Variants in PCDH9 observed in about 807,000 individuals in gnomAD.
PCDH9 encodes protocadherin-9.
A neutral mutation model predicts 70.6 loss-of-function variants in PCDH9; 24 were observed. That is an observed-to-expected ratio of 0.34 (90% CI 0.25 to 0.48). The LOEUF (loss-of-function observed/expected upper bound fraction) is 0.48, where lower values mean the gene tolerates loss of function less well. Ranked by LOEUF, PCDH9 falls within the 20% of genes least tolerant of loss-of-function variation. The probability of loss-of-function intolerance (pLI) is 0.99; values close to 1 mark genes in which losing one functional copy is unlikely to be tolerated. For missense variants in PCDH9, 1,281 were observed against 1,503.6 expected, an observed-to-expected ratio of 0.85 and a Z score of 2.45; for synonymous variants, 562 against 558.5, an observed-to-expected ratio of 1.01 and a Z score of -0.09.
intron 3 of PCDH9, among the ~76,000 whole-genome samples, chr13:66,837,122 T>A (rs1210525350): frequency 1.3e-5 from 2 of 152,204 alleles, no homozygotes; most frequent in Non-Finnish European, 2.9e-5. Context: ...CATGCTGAAT[T>A]TCTGAAGGTC....
intron 4 of PCDH9, among the ~76,000 whole-genome samples, chr13:66,428,090 G>T (rs971074990): frequency 1.3e-5 from 2 of 151,644 alleles, no homozygotes; most frequent in Admixed American, 6.6e-5. Flanking sequence ...AGCATTTTGG[G>T]TAACAGTGTA....
intron 2 of PCDH9, among the ~76,000 whole-genome samples, chr13:67,181,937 A>G (rs2088626933): frequency 1.3e-5 from 2 of 152,190 alleles, no homozygotes; most frequent in African/African-American, 2.4e-5. Flanking sequence ...CTTAATTTCT[A>G]GGACACTACA....
intron 4 of PCDH9, among the ~76,000 whole-genome samples, chr13:66,319,119 C>T (rs1955705688): frequency 6.6e-6 from 1 of 152,128 alleles, no homozygotes; most frequent in South Asian, 2.1e-4. Flanking sequence ...CAAGGGGAAT[C>T]AAGGACCTTC....
chr13:66,824,729 T>C lies in PCDH9; in HGVS notation c.3138+78775A>G, dbSNP rs200807754. On this transcript the variant is annotated intron_variant, in intron 3 of 4. Coordinates refer to ENST00000377865, the MANE Select transcript of PCDH9 (RefSeq NM_203487.3). Reference sequence around the variant, plus strand: ...ACACATATATATATACACACACACATATATATATATACACACACACATACA... The same window carrying C: ...ACACATATATATATACACACACACACATATATATATACACACACACATACA... Among the ~76,000 whole-genome samples the C allele has an allele frequency of 3.5e-3, 489 of 140,224 alleles. 3 individuals carry two copies. The highest frequency in any genetic ancestry group is 0.011 in the African/African-American group (416 of 37,504). The allele number at this position is 140,224 out of a possible 152,430, so 92.0% of individuals were successfully genotyped here. A position where few individuals can be genotyped will look rare whatever the true frequency, so the allele number is the denominator to read the frequency against.
At chr13:66,599,263 T>G (rs73515814) in intron 4 of PCDH9, among the ~76,000 whole-genome samples, 11,974 of 151,782 alleles carry the variant, frequency 0.079, 541 homozygotes, top group South Asian at 0.15. Flanking sequence ...AAAAGAAATT[T>G]TTTTTCTTTG....
rs371809116 is a variant in PCDH9 at position 66,360,271 on chromosome 13, C to CCT, written c.3341-55244_3341-55243insAG. The stretch of plus-strand genomic sequence containing the variant: ...TAGCAGTAGTTTTGCAAAAAGTTGA[C>CCT]GTCCACCTTGATGGCAGGTTGTAAG... On this transcript the variant is annotated intron_variant, in intron 4 of 4. Transcript: ENST00000377865. Among the ~76,000 whole-genome samples, 617 of 152,150 alleles carry CCT rather than the reference C, an allele frequency of 4.1e-3. 1 individual carries two copies. Among genetic ancestry groups the CCT allele is most frequent in the Middle Eastern group, 0.031 (9 of 294 alleles).
intron 3 of PCDH9, among the ~76,000 whole-genome samples, chr13:66,771,763 TCA>T (rs1383462360): frequency 6.6e-6 from 1 of 152,218 alleles, no homozygotes; most frequent in African/African-American, 2.4e-5. Flanking sequence ...TCCTCAATTC[TCA>T]GTTTTCCAAT....
intron 2 of PCDH9, among the ~76,000 whole-genome samples, chr13:67,121,615 T>C (rs904877916): frequency 9.2e-5 from 14 of 152,214 alleles, no homozygotes; most frequent in African/African-American, 3.4e-4. Context: ...CTTAAAGGTA[T>C]GCCCTTTCAG....
chr13:67,020,956 C>T (rs532924599), intron 2 of PCDH9, among the ~76,000 whole-genome samples: 1 of 152,300 alleles, frequency 6.6e-6, no homozygotes, highest in Admixed American at 6.5e-5. Context: ...TGAGGTTAAA[C>T]AAGACCATTC....
chr13:66,384,216 A>ATAATTT (rs1477781793), intron 4 of PCDH9, among the ~76,000 whole-genome samples: 4 of 152,116 alleles, frequency 2.6e-5, no homozygotes, highest in African/African-American at 9.7e-5. Flanking sequence ...TAAAGGTTGA[A>ATAATTT]TACATCCAAT....
At chr13:66,548,655 A>T (rs1169309624) in intron 4 of PCDH9, among the ~76,000 whole-genome samples, 1 of 152,154 alleles carries the variant, frequency 6.6e-6, no homozygotes, top group Non-Finnish European at 1.5e-5. Context: ...TGGATTTGTT[A>T]TGATCGTAAT....
intron 3 of PCDH9, among the ~76,000 whole-genome samples, chr13:66,730,161 T>C (rs1160469308): frequency 1.3e-5 from 2 of 152,178 alleles, no homozygotes; most frequent in African/African-American, 4.8e-5. Context: ...ACTGACAAGA[T>C]TTTATATATG....
intron 2 of PCDH9, among the ~76,000 whole-genome samples, chr13:67,162,589 G>C (rs2087992897): frequency 6.6e-6 from 1 of 152,134 alleles, no homozygotes; most frequent in East Asian, 1.9e-4. Flanking sequence ...TTTTGACCTA[G>C]CTCCTGGCCT....
At chr13:67,179,756 T>TA (rs1177561847) in intron 2 of PCDH9, among the ~76,000 whole-genome samples, 1 of 152,062 alleles carries the variant, frequency 6.6e-6, no homozygotes, top group Non-Finnish European at 1.5e-5. Flanking sequence ...AGAAATTATT[T>TA]AAAAAATCAC....
At chr13:66,624,444 C>A (rs1410971082) in intron 4 of PCDH9, among the ~76,000 whole-genome samples, 1 of 152,144 alleles carries the variant, frequency 6.6e-6, no homozygotes, top group African/African-American at 2.4e-5. Context: ...ATTTGTAGGG[C>A]AGTTGATTAA....
At chr13:66,483,892 G>A (rs1377025401) in intron 4 of PCDH9, among the ~76,000 whole-genome samples, 2 of 152,098 alleles carry the variant, frequency 1.3e-5, no homozygotes, top group Non-Finnish European at 2.9e-5. Flanking sequence ...GCTGGACATC[G>A]AGAGAAGCAG....
At chr13:66,974,703 A>G (rs919181860) in intron 2 of PCDH9, among the ~76,000 whole-genome samples, 13 of 152,186 alleles carry the variant, frequency 8.5e-5, no homozygotes, top group African/African-American at 3.1e-4. Flanking sequence ...AGTTTCAAAC[A>G]ATTGAGCTTA....
chr13:66,655,531 T>C (rs1444685969), intron 3 of PCDH9, among the ~76,000 whole-genome samples: 1 of 152,054 alleles, frequency 6.6e-6, no homozygotes, highest in Non-Finnish European at 1.5e-5. Flanking sequence ...ATATTTAGCT[T>C]AACTATATTT....
chr13:66,428,843 A>G lies in PCDH9; in HGVS notation c.3341-123815T>C, dbSNP rs565200104. Reference sequence around the variant, plus strand: ...CATTAACTCAAACAGAAATTAAAGTATATATTCAACCTTTTAAAAATGATA... The same window carrying G: ...CATTAACTCAAACAGAAATTAAAGTGTATATTCAACCTTTTAAAAATGATA... On this transcript the variant is annotated intron_variant, in intron 4 of 4. Coordinates refer to ENST00000377865, the MANE Select transcript of PCDH9 (RefSeq NM_203487.3). 3.9e-5 allele frequency among the ~76,000 whole-genome samples: 6 copies of G among 151,986 alleles called. No homozygotes were observed. The South Asian group carries it at 8.3e-4, about 21-fold the overall frequency.
Sources: gnomAD v4.1 joint callset for allele counts (sites outside exome capture counted in the v4.1 genomes callset) on GRCh38, gnomAD v4.1.1 for gene constraint, MANE v1.5 for transcripts, NCBI Gene and HGNC (gene_info 2026-07-23, HGNC 2026-07-21) for gene names.